The following DAB1 variants were observed in gnomAD, a reference collection of about 807,000 sequenced individuals.
DAB1 encodes DAB adaptor protein 1.
In DAB1, 15 loss-of-function variants were observed where a neutral mutation model predicts 64.6. The ratio of observed to expected loss-of-function variants is 0.23; its 90% CI spans 0.16 to 0.36. The LOEUF is 0.36. DAB1 is among the 10% of genes least tolerant of loss of function. The pLI is 1.00. For synonymous variants in DAB1, 235 were observed against 251.9 expected (o/e 0.93, Z 0.64); for missense variants, 596 against 706.7 (o/e 0.84, Z 1.78).
chr1:57,072,115 T>A lies in DAB1; in HGVS notation c.438+168A>T, dbSNP rs374455883. On this transcript the variant is annotated intron_variant, in intron 5 of 14. Transcript: ENST00000371236. ...ACTGGATGGGTATGAGCATGTTTCC[T>A]TGCTCCAAGGCTGTTTATCTTTTCT... Among the ~76,000 whole-genome samples the A allele has an allele frequency of 3.3e-5, 5 of 151,750 alleles. No homozygotes were observed. The South Asian group carries it at 1.0e-3, about 32-fold the overall frequency.
At chr1:57,954,505 T>C (rs373854796) in intron 5 of DAB1, among the ~76,000 whole-genome samples, 1 of 152,096 alleles carries the variant, frequency 6.6e-6, no homozygotes, top group Non-Finnish European at 1.5e-5. Context: ...GAGGCTACGA[T>C]GGTAACCCAG....
chr1:57,069,819 C>T (rs1651281224), intron 7 of DAB1, among the ~76,000 whole-genome samples: 2 of 152,198 alleles, frequency 1.3e-5, no homozygotes, highest in East Asian at 1.9e-4. Context: ...AGGGGCATCC[C>T]TTTTTCCCTA....
At chr1:57,158,728 G>C (rs1660469672) in intron 2 of DAB1, among the ~76,000 whole-genome samples, 1 of 152,088 alleles carries the variant, frequency 6.6e-6, no homozygotes, top group South Asian at 2.1e-4. Flanking sequence ...TTAACTAGCT[G>C]GGTAGTGAGC....
chr1:57,649,331 T>C (rs959247795), intron 7 of DAB1, among the ~76,000 whole-genome samples: 2 of 152,186 alleles, frequency 1.3e-5, no homozygotes, highest in Non-Finnish European at 2.9e-5. Context: ...AGGATCCTGA[T>C]GACATTTTCT....
intron 1 of DAB1, among the ~76,000 whole-genome samples, chr1:57,400,931 T>C (rs552135651): frequency 1.3e-5 from 2 of 151,376 alleles, no homozygotes; most frequent in African/African-American, 4.9e-5. Flanking sequence ...GCAGACCAGC[T>C]TTCCCAGACG....
chr1:57,766,917 TAC>T (rs545783466), intron 6 of DAB1, among the ~76,000 whole-genome samples: 3 of 151,006 alleles, frequency 2.0e-5, no homozygotes, highest in Non-Finnish European at 4.4e-5. Flanking sequence ...GCACTTTACT[TAC>T]AGTTACCAGG....
At chr1:57,254,916 C>T (rs1363204003) in intron 2 of DAB1, among the ~76,000 whole-genome samples, 1 of 152,012 alleles carries the variant, frequency 6.6e-6, no homozygotes, top group Non-Finnish European at 1.5e-5. Flanking sequence ...CCACTTAGAT[C>T]ATAAGTATCT....
chr1:57,472,158 ACTC>A (rs1687160054), intron 7 of DAB1, among the ~76,000 whole-genome samples: 1 of 152,174 alleles, frequency 6.6e-6, no homozygotes, highest in Non-Finnish European at 1.5e-5. Context: ...TTAGGAATGA[ACTC>A]CTAGCCCGGT....
intron 3 of DAB1, among the ~76,000 whole-genome samples, chr1:58,351,596 A>G (rs1644058138): frequency 6.6e-6 from 1 of 151,878 alleles, no homozygotes; most frequent in Non-Finnish European, 1.5e-5. Context: ...AGCCTCTCTG[A>G]GTCTCAGTTT....
chr1:58,512,812 T>A (rs906651066), intron 2 of DAB1, among the ~76,000 whole-genome samples: 1 of 152,108 alleles, frequency 6.6e-6, no homozygotes, highest in South Asian at 2.1e-4. Flanking sequence ...ATGAATAAGA[T>A]CTAGAGATCT....
chr1:58,178,281 C>T (rs531425202), intron 4 of DAB1, among the ~76,000 whole-genome samples: 3 of 152,194 alleles, frequency 2.0e-5, no homozygotes, highest in South Asian at 2.1e-4. Flanking sequence ...TATCTGTCTC[C>T]GAAGCACAGA....
intron 1 of DAB1, among the ~76,000 whole-genome samples, chr1:57,422,505 C>A (rs1429011985): frequency 6.6e-6 from 1 of 152,212 alleles, no homozygotes; most frequent in Non-Finnish European, 1.5e-5. Flanking sequence ...CAGACACCGA[C>A]CCACGCGGGC....
chr1:57,027,599 A>G (rs1386859090), intron 9 of DAB1, among the ~76,000 whole-genome samples: 3 of 152,010 alleles, frequency 2.0e-5, no homozygotes, highest in South Asian at 2.1e-4. Flanking sequence ...AATATCTGCA[A>G]CTCCTCAGAA....
chr1:57,558,407 C>A (rs905290690), intron 7 of DAB1, among the ~76,000 whole-genome samples: 2 of 152,128 alleles, frequency 1.3e-5, no homozygotes, highest in Non-Finnish European at 2.9e-5. Context: ...AAAGTCCCAG[C>A]GGGCCCCTAG....
chr1:58,203,933 T>C (rs889177224), intron 4 of DAB1, among the ~76,000 whole-genome samples: 3 of 152,188 alleles, frequency 2.0e-5, no homozygotes, highest in African/African-American at 7.2e-5. Context: ...ATGTTACATC[T>C]TGAGGTCAAA....
intron 4 of DAB1, among the ~76,000 whole-genome samples, chr1:57,079,609 G>T (rs182238307): frequency 6.6e-6 from 1 of 152,190 alleles, no homozygotes; most frequent in East Asian, 1.9e-4. Flanking sequence ...CAAAATACTT[G>T]CCAGGGCCTG....
At chr1:57,545,470 T>C (rs1174010122) in intron 7 of DAB1, among the ~76,000 whole-genome samples, 1 of 152,198 alleles carries the variant, frequency 6.6e-6, no homozygotes, top group Non-Finnish European at 1.5e-5. Context: ...TACTAGAAGT[T>C]CCATGTGCTG....
chr1:57,760,276 C>A (rs1028092845), intron 6 of DAB1, among the ~76,000 whole-genome samples: 1 of 152,098 alleles, frequency 6.6e-6, no homozygotes, highest in Non-Finnish European at 1.5e-5. Context: ...TATCTCACAG[C>A]CCCAAAACAA....
At chr1:57,747,833 A>G (rs1283292531) in intron 6 of DAB1, among the ~76,000 whole-genome samples, 1 of 148,020 alleles carries the variant, frequency 6.8e-6, no homozygotes, top group Admixed American at 6.8e-5. Context: ...AAAAAAAAAA[A>G]GAATACCATT....
Sources: gnomAD v4.1 joint callset for allele counts (sites outside exome capture counted in the v4.1 genomes callset) on GRCh38, gnomAD v4.1.1 for gene constraint, MANE v1.5 for transcripts, NCBI Gene and HGNC (gene_info 2026-07-23, HGNC 2026-07-21) for gene names.